Variants in HOMER1 observed in about 807,000 individuals in gnomAD.
HOMER1 encodes the protein homer protein homolog 1.
Under a neutral mutation model 48.9 loss-of-function variants are expected in HOMER1, and 3 were observed. The observed-to-expected ratio is 0.06, with a 90% CI of 0.03 to 0.16. HOMER1 has a LOEUF of 0.16. Ranked by LOEUF, HOMER1 falls within the 10% of genes least tolerant of loss-of-function variation. The pLI, the probability that HOMER1 is intolerant of heterozygous loss-of-function variation, is 1.00. For missense variants in HOMER1, 247 were observed against 411.4 expected (o/e 0.60, Z 3.46); for synonymous variants, 134 against 146.4 (o/e 0.92, Z 0.61).
chr5:79,421,192 G>T (rs529056665), intron 5 of HOMER1, among the ~76,000 whole-genome samples: 20 of 152,156 alleles, frequency 1.3e-4, no homozygotes, highest in Non-Finnish European at 2.9e-4. Flanking sequence ...TTGAAGCTAT[G>T]TTACAAGTTT....
At chr5:79,447,192 C>T in intron 3 of HOMER1, 47 bp from the exon 4 acceptor site, 1 of 1,148,798 alleles carries the variant, frequency 8.7e-7, no homozygotes, top group Middle Eastern at 2.1e-4. Context: ...AAATAGGTCA[C>T]AGTGCCCACT....
chr5:79,511,044 C>G, intron 1 of HOMER1: 1 of 291,030 alleles, frequency 3.4e-6, no homozygotes, highest in Non-Finnish European at 6.3e-6. Context: ...CTAAGCTTCC[C>G]TTGGTAAAAT....
At chr5:79,462,608 G>A (rs190637039) in intron 1 of HOMER1, among the ~76,000 whole-genome samples, 10 of 152,100 alleles carry the variant, frequency 6.6e-5, no homozygotes, top group African/African-American at 9.7e-5. Context: ...AGGCATCTGC[G>A]TAATAAGAAA....
intron 2 of HOMER1, 117 bp from the exon 3 acceptor site, chr5:79,451,238 CATAAAG>C: frequency 1.1e-6 from 1 of 944,502 alleles, no homozygotes; most frequent in South Asian, 2.0e-5. Flanking sequence ...ACGTTAAATA[CATAAAG>C]ATAGTTACAG....
At chr5:79,452,370 T>C (rs1276397202) in intron 2 of HOMER1, among the ~76,000 whole-genome samples, 1 of 152,234 alleles carries the variant, frequency 6.6e-6, no homozygotes, top group African/African-American at 2.4e-5. Flanking sequence ...TCATAAAATA[T>C]TAACTCATTC....
chr5:79,394,566 T>C (rs1749333151), intron 8 of HOMER1, among the ~76,000 whole-genome samples: 1 of 152,188 alleles, frequency 6.6e-6, no homozygotes, highest in South Asian at 2.1e-4. Context: ...GCTCTATCAA[T>C]GATGAAATCC....
chr5:79,477,476 T>C (rs1188469672), intron 1 of HOMER1, among the ~76,000 whole-genome samples: 3 of 152,246 alleles, frequency 2.0e-5, no homozygotes, highest in African/African-American at 7.2e-5. Flanking sequence ...ATCCCTTCTG[T>C]TGGCTGGATA....
chr5:79,436,068 G>A (rs1750573353), intron 5 of HOMER1, among the ~76,000 whole-genome samples: 1 of 151,316 alleles, frequency 6.6e-6, no homozygotes. Context: ...GGAGCTTGCA[G>A]TGAGCCGAGA....
At chr5:79,498,384 GA>G (rs900881851) in intron 1 of HOMER1, among the ~76,000 whole-genome samples, 1 of 152,134 alleles carries the variant, frequency 6.6e-6, no homozygotes, top group South Asian at 2.1e-4. Flanking sequence ...CAACAAGAGT[GA>G]AACTATGTCT....
chr5:79,478,743 G>A (rs1473882468), intron 1 of HOMER1, among the ~76,000 whole-genome samples: 1 of 152,132 alleles, frequency 6.6e-6, no homozygotes, highest in African/African-American at 2.4e-5. Flanking sequence ...CCTGAGGTCA[G>A]GAGTTCGAGA....
intron 8 of HOMER1, among the ~76,000 whole-genome samples, chr5:79,386,019 A>C (rs1473574787): frequency 6.6e-6 from 1 of 152,124 alleles, no homozygotes; most frequent in Non-Finnish European, 1.5e-5. Context: ...ACAATGATTC[A>C]TGTAAATTAA....
chr5:79,435,499 C>T (rs1750550005), intron 5 of HOMER1, among the ~76,000 whole-genome samples: 1 of 152,044 alleles, frequency 6.6e-6, no homozygotes, highest in South Asian at 2.1e-4. Flanking sequence ...AATTTTTTTG[C>T]TATTCATTCT....
chr5:79,411,585 C>T (rs1749815489), intron 5 of HOMER1, among the ~76,000 whole-genome samples: 2 of 152,108 alleles, frequency 1.3e-5, no homozygotes. Context: ...CTTCAAAAGG[C>T]TCTATTTTCA....
chr5:79,398,859 T>C (rs959459239), intron 6 of HOMER1, among the ~76,000 whole-genome samples: 1 of 152,174 alleles, frequency 6.6e-6, no homozygotes, highest in Non-Finnish European at 1.5e-5. Flanking sequence ...TTAACTAGAA[T>C]GTCCTCTCTT....
Position 79,450,992 on chromosome 5 carries a change from T to G in HOMER1, c.292A>C (p.Lys98Gln). Residue 98 changes from lysine (K) to glutamine (Q), a missense_variant and splice_region_variant, in exon 3 of 9, where the codon AAA (lysine) becomes CAA (glutamine). By Grantham distance (53) the Lys-to-Gln change is moderately conservative. Coordinates refer to ENST00000334082, the MANE Select transcript of HOMER1 (RefSeq NM_004272.5). ...TCAAATTTTATGATTTAACTCACTTTCGAAAGATGATGCTCAGAGGAGAAT... is the reference window on the plus strand; with the variant it reads ...TCAAATTTTATGATTTAACTCACTTGCGAAAGATGATGCTCAGAGGAGAAT... ...LGFSSEHHLS[K>Q]FAEKFQEFKE... 1 of 1,612,350 alleles carries G rather than the reference T, an allele frequency of 6.2e-7. No homozygotes were observed.
rs148337176 is a variant in HOMER1 at position 79,478,891 on chromosome 5, G to A, written c.6-21873C>T. Reference sequence around the variant, plus strand: ...CACTTGAACCCAGGAGGTGGAGGTTGCAGTGAGCTGAGATTGTGCCACTGC... The same window carrying A: ...CACTTGAACCCAGGAGGTGGAGGTTACAGTGAGCTGAGATTGTGCCACTGC... On this transcript the variant is annotated intron_variant, in intron 1 of 8. Coordinates refer to ENST00000334082, the MANE Select transcript of HOMER1 (RefSeq NM_004272.5). 1.4e-3 allele frequency among the ~76,000 whole-genome samples: 220 copies of A among 152,324 alleles called. 7 individuals carry two copies. In the East Asian group the frequency reaches 0.038, roughly 26 times the overall value.
At position 79,396,867 on chromosome 5, in the gene HOMER1, T is replaced by G. The variant is rs1248707481; in HGVS notation, c.832A>C (p.Arg278=). 6.2e-7 allele frequency: 1 copy of G among 1,604,356 alleles called. No homozygotes were observed. ...ERLKQEIDNA[R]ELQEQRDSLT... ...GAATCCCTCTGTTCTTGTAGTTCTC[T>G]GGCATTATCAATTTCTTGTTTTAAC... The change falls in exon 8 of 9, where the codon AGA becomes CGA. Residue 278 remains arginine, a synonymous_variant. Coordinates refer to ENST00000334082, the MANE Select transcript of HOMER1 (RefSeq NM_004272.5).
intron 1 of HOMER1, among the ~76,000 whole-genome samples, chr5:79,494,009 T>C (rs770917721): frequency 9.9e-5 from 15 of 152,216 alleles, no homozygotes; most frequent in Non-Finnish European, 1.5e-5. Flanking sequence ...AATCTAATTA[T>C]TTCTTGCCTC....
chr5:79,438,488 C>G (rs1350358377), intron 5 of HOMER1, among the ~76,000 whole-genome samples: 3 of 152,138 alleles, frequency 2.0e-5, no homozygotes, highest in Non-Finnish European at 4.4e-5. Flanking sequence ...AAAGATAAAT[C>G]TGCCATTAAC....
Sources: gnomAD v4.1 joint callset for allele counts (sites outside exome capture counted in the v4.1 genomes callset) on GRCh38, gnomAD v4.1.1 for gene constraint, MANE v1.5 for transcripts, NCBI Gene and HGNC (gene_info 2026-07-23, HGNC 2026-07-21) for gene names.